TMEM179: variants seen among roughly 807,000 people sequenced by gnomAD.
The protein encoded by TMEM179 is transmembrane protein 179A.
Under a neutral mutation model 22.2 loss-of-function variants are expected in TMEM179, and 17 were observed. The observed-to-expected ratio is 0.77, with a 90% confidence interval of 0.52 to 1.15. The LOEUF (loss-of-function observed/expected upper bound fraction) is 1.15, where lower values mean the gene tolerates loss of function less well. TMEM179 is among the 50% of genes most tolerant of loss of function. The probability of loss-of-function intolerance (pLI) is 0.00; values close to 1 mark genes in which losing one functional copy is unlikely to be tolerated. For missense variants in TMEM179, 265 were observed against 313.6 expected (o/e 0.84, Z 1.17); for synonymous variants, 127 against 140.5 (o/e 0.90, Z 0.68).
At chr14:104,600,063 G>A (rs1887184971) in intron 1 of TMEM179, among the ~76,000 whole-genome samples, 1 of 152,216 alleles carries the variant, frequency 6.6e-6, no homozygotes, top group Non-Finnish European at 1.5e-5. Context: ...AGATAGGGAA[G>A]GGACCCCAGG....
At position 104,595,098 on chromosome 14, in the gene TMEM179, A is replaced by C; in HGVS notation, c.522+67T>G. On this transcript the variant is annotated intron_variant, in intron 3 of 3. Transcript: ENST00000556573. The surrounding 1 kb of genome is among the most constrained non-coding windows in gnomAD (Gnocchi z 5.7). Reference sequence around the variant, plus strand: ...TCCTCTGGATGGGGGAGAGCTCAGCAAATGTCCAGCAGTAAATGGCCCCCT... The same window carrying C: ...TCCTCTGGATGGGGGAGAGCTCAGCCAATGTCCAGCAGTAAATGGCCCCCT... 1 of 1,609,248 alleles carries C rather than the reference A, an allele frequency of 6.2e-7. No individual in the cohort carries two copies. Among genetic ancestry groups the C allele is most frequent in the South Asian group, 1.1e-5 (1 of 90,346 alleles).
chr14:104,599,369 T>A (rs1056114146), intron 1 of TMEM179, among the ~76,000 whole-genome samples: 1 of 152,160 alleles, frequency 6.6e-6, no homozygotes, highest in African/African-American at 2.4e-5. Context: ...GTCCCTCCAC[T>A]GAAAGTCACT....
chr14:104,599,548 A>G (rs923879883), intron 1 of TMEM179, among the ~76,000 whole-genome samples: 1 of 152,208 alleles, frequency 6.6e-6, no homozygotes, highest in Non-Finnish European at 1.5e-5. Flanking sequence ...CTGAGGACAC[A>G]GTTCTGAACC....
rs1462731121 is a variant in TMEM179 at position 104,604,601 on chromosome 14, C to T, written c.141G>A (p.Trp47Ter). Residue 47 changes from tryptophan to a stop codon, truncating the protein, a stop_gained, in exon 1 of 4, where the codon TGG (tryptophan) becomes TGA (stop). Coordinates refer to ENST00000556573, the MANE Select transcript of TMEM179 (RefSeq NM_001286389.2). LOFTEE classifies it high-confidence loss of function. This position sits in a 1 kb window ranked among gnomAD's most constrained non-coding sequence, Gnocchi z 4.6. ...CCTGCACCGTGAGGTTGGCGCTCAG[C>T]CACATGCCCTCGGTGAAGAGCAGGC... is the stretch of plus-strand genomic sequence containing the variant. ...GRCLLFTEGM[W>*]LSANLTVQER... The T allele has an allele frequency of 6.4e-7, 1 of 1,558,698 alleles. No homozygotes were observed. Among genetic ancestry groups the T allele is most frequent in the Admixed American group, 1.9e-5 (1 of 52,638 alleles).
In TMEM179 at chr14:104,591,423, A is replaced by G. The variant is rs1886841866; in HGVS notation, c.*2056T>C. The G allele has an allele frequency of 2.2e-6, 1 of 455,884 alleles. No individual in the cohort carries two copies. Among genetic ancestry groups the G allele is most frequent in the Non-Finnish European group, 4.4e-6 (1 of 226,766 alleles). 28.2% of individuals were successfully genotyped at this position (455,884 alleles called of 1,614,324 possible). A position where few individuals can be genotyped will look rare whatever the true frequency, so the allele number is the denominator to read the frequency against. On this transcript the variant is annotated 3_prime_UTR_variant, in exon 4 of 4. Transcript: ENST00000556573. ...AGACAAGGAGCTCTCCGGACTGGAA[A>G]GAGTCCCCATGTCCAGTGGGTCAGG...
Position 104,591,228 on chromosome 14 carries a change from T to C in TMEM179, c.*2251A>G, listed in dbSNP as rs1886834487. ...CATGGGGCTGTTCCACACCTGCTCCTGGGATCCAGCAGTGCAGCCCCCAAG... is the reference window on the plus strand; with the variant it reads ...CATGGGGCTGTTCCACACCTGCTCCCGGGATCCAGCAGTGCAGCCCCCAAG... On this transcript the variant is annotated 3_prime_UTR_variant, in exon 4 of 4. Transcript: ENST00000556573. The C allele has an allele frequency of 2.7e-6, 1 of 374,704 alleles. No homozygotes were observed. The highest frequency in any genetic ancestry group is 5.2e-6 in the Non-Finnish European group (1 of 191,244). 23.2% of individuals were successfully genotyped at this position (374,704 alleles called of 1,614,324 possible).
Position 104,593,384 on chromosome 14 carries a change from GCCCAGGCAGAGCCCCCCAGCTGCTTC to G in TMEM179, c.*69_*94del. 5.5e-6 allele frequency: 8 copies of G among 1,451,952 alleles called. No individual in the cohort carries two copies. The highest frequency in any genetic ancestry group is 7.4e-6 in the Non-Finnish European group (8 of 1,078,110). The allele number at this position is 1,451,952 out of a possible 1,614,324, so 89.9% of individuals were successfully genotyped here. A position where few individuals can be genotyped will look rare whatever the true frequency, so the allele number is the denominator to read the frequency against. ...ACACGCAGGGCTGCATGTGGCCAGGGCCCAGGCAGAGCCCCCCAGCTGCTTCCCCAGGCAGGCCCGTGCCCCCGAGC... is the reference window on the plus strand; with the variant it reads ...ACACGCAGGGCTGCATGTGGCCAGGGCCCAGGCAGGCCCGTGCCCCCGAGC... On this transcript the variant is annotated 3_prime_UTR_variant, in exon 4 of 4. Transcript: ENST00000556573.
chr14:104,591,527 C>G lies in TMEM179; in HGVS notation c.*1952G>C. The G allele has an allele frequency of 2.5e-6, 1 of 399,024 alleles. No homozygotes were observed. The highest frequency in any genetic ancestry group is 1.9e-5 in the South Asian group (1 of 54,052). The allele number at this position is 399,024 out of a possible 1,614,324, so 24.7% of individuals were successfully genotyped here. On this transcript the variant is annotated 3_prime_UTR_variant, in exon 4 of 4. Transcript: ENST00000556573. ...CAAACCCCTTCCCTCGAGGACCTGG[C>G]TGCCAGCTGGAAACTCAGCTGGTCC... is the stretch of plus-strand genomic sequence containing the variant.
rs775840600 is a variant in TMEM179 at position 104,593,435 on chromosome 14, C to T, written c.*44G>A. ...CCCCAGGCAGGCCCGTGCCCCCGAG[C>T]GCAGCAGGGAGGTCGGGGCCAGCTC... is the stretch of plus-strand genomic sequence containing the variant. On this transcript the variant is annotated 3_prime_UTR_variant, in exon 4 of 4. Transcript: ENST00000556573. The T allele has an allele frequency of 5.9e-6, 9 of 1,534,830 alleles. No individual in the cohort carries two copies. The highest frequency in any genetic ancestry group is 7.9e-6 in the Non-Finnish European group (9 of 1,145,862).
At position 104,596,880 on chromosome 14, in the gene TMEM179, C is replaced by T. The variant is rs1299212655; in HGVS notation, c.443+110G>A. On this transcript the variant is annotated intron_variant, in intron 2 of 3. Coordinates refer to ENST00000556573, the MANE Select transcript of TMEM179 (RefSeq NM_001286389.2). ...GCACAGTGCACAGTGGGACCAGGGA[C>T]CGCAGACTCAGGATGGGCTTCGTGA... is the stretch of plus-strand genomic sequence containing the variant. 9 of 1,408,186 alleles carry T rather than the reference C, an allele frequency of 6.4e-6. No individual in the cohort carries two copies. In the Admixed American group the frequency reaches 9.9e-5, roughly 15 times the overall value. 87.2% of individuals were successfully genotyped at this position (1,408,186 alleles called of 1,614,324 possible). A position where few individuals can be genotyped will look rare whatever the true frequency, so the allele number is the denominator to read the frequency against.
Position 104,592,585 on chromosome 14 carries a change from CTCAG to C in TMEM179, c.*890_*893del, listed in dbSNP as rs1300434423. ...ATGCAGTCACACCCTCTCGTGCACA[CTCAG>C]TGACACCTTCACATGCAGTCACACC... On this transcript the variant is annotated 3_prime_UTR_variant, in exon 4 of 4. Transcript: ENST00000556573. 2.6e-5 allele frequency: 4 copies of C among 154,650 alleles called. No individual in the cohort carries two copies. The highest frequency in any genetic ancestry group is 9.7e-5 in the African/African-American group (4 of 41,386). 9.6% of individuals were successfully genotyped at this position (154,650 alleles called of 1,614,324 possible).
At chr14:104,601,633 G>T (rs1887244206) in intron 1 of TMEM179, among the ~76,000 whole-genome samples, 2 of 152,236 alleles carry the variant, frequency 1.3e-5, no homozygotes, top group South Asian at 4.1e-4. Context: ...ACATGACCAC[G>T]TGAACTGAGC....
chr14:104,601,733 T>C (rs1887246900), intron 1 of TMEM179, among the ~76,000 whole-genome samples: 2 of 152,220 alleles, frequency 1.3e-5, no homozygotes, highest in Middle Eastern at 6.8e-3. Context: ...GGAGGATTGG[T>C]GAACCCCTGA....
Position 104,595,137 on chromosome 14 carries a change from G to A in TMEM179, c.522+28C>T. 1 of 1,613,492 alleles carries A rather than the reference G, an allele frequency of 6.2e-7. No individual in the cohort carries two copies. The highest frequency in any genetic ancestry group is 8.5e-7 in the Non-Finnish European group (1 of 1,179,826). Reference sequence around the variant, plus strand: ...AAATGGCCCCCTCCCAGCATTGCAAGCCTCCCTTCTTGCCCAGAGCCCCCT... The same window carrying A: ...AAATGGCCCCCTCCCAGCATTGCAAACCTCCCTTCTTGCCCAGAGCCCCCT... On this transcript the variant is annotated intron_variant, in intron 3 of 3. Transcript: ENST00000556573. This position sits in a 1 kb window ranked among gnomAD's most constrained non-coding sequence, Gnocchi z 5.7.
At position 104,591,674 on chromosome 14, in the gene TMEM179, G is replaced by A. The variant is rs1464893192; in HGVS notation, c.*1805C>T. ...TGATGCCCCCACCAGGACCCTCCAT[G>A]TGGACCCAGGCACGTGGCCTCCAGG... On this transcript the variant is annotated 3_prime_UTR_variant, in exon 4 of 4. Coordinates refer to ENST00000556573, the MANE Select transcript of TMEM179 (RefSeq NM_001286389.2). The A allele has an allele frequency of 9.4e-6, 3 of 318,190 alleles. No homozygotes were observed. Among genetic ancestry groups the A allele is most frequent in the Non-Finnish European group, 1.8e-5 (3 of 163,050 alleles). The allele number at this position is 318,190 out of a possible 1,614,324, so 19.7% of individuals were successfully genotyped here.
At chr14:104,603,317 G>A in intron 1 of TMEM179, among the ~76,000 whole-genome samples, 1 of 152,126 alleles carries the variant, frequency 6.6e-6, no homozygotes, top group East Asian at 1.9e-4. Flanking sequence ...ACACCCCTCT[G>A]AGCCCTTCTC....
intron 1 of TMEM179, among the ~76,000 whole-genome samples, chr14:104,598,482 G>C (rs1887118373): frequency 2.6e-5 from 4 of 152,218 alleles, no homozygotes; most frequent in Admixed American, 2.6e-4. Context: ...ACCGTCATCC[G>C]AACTCGGCAG....
chr14:104,593,211 G>C lies in TMEM179; in HGVS notation c.*268C>G. 1 of 537,896 alleles carries C rather than the reference G, an allele frequency of 1.9e-6. No homozygotes were observed. The highest frequency in any genetic ancestry group is 3.3e-6 in the Non-Finnish European group (1 of 303,484). 33.3% of individuals were successfully genotyped at this position (537,896 alleles called of 1,614,324 possible). On this transcript the variant is annotated 3_prime_UTR_variant, in exon 4 of 4. Coordinates refer to ENST00000556573, the MANE Select transcript of TMEM179 (RefSeq NM_001286389.2). Reference sequence around the variant, plus strand: ...CTGGGACAGCCAAGGGGCCCTGTGCGAGGCCTGGAGGTGCCCCCCGCCCCC... The same window carrying C: ...CTGGGACAGCCAAGGGGCCCTGTGCCAGGCCTGGAGGTGCCCCCCGCCCCC...
At chr14:104,594,004 C>T in intron 3 of TMEM179, 1 of 1,204,296 alleles carries the variant, frequency 8.3e-7, no homozygotes, top group Admixed American at 4.0e-5. Context: ...GCAGCTCCGG[C>T]CTGTCGGCTC....
Sources: gnomAD v4.1 joint callset for allele counts (sites outside exome capture counted in the v4.1 genomes callset) on GRCh38, gnomAD v4.1.1 for gene constraint, Gnocchi (gnomAD v3.1) non-coding constraint, MANE v1.5 for transcripts, NCBI Gene and HGNC (gene_info 2026-07-23, HGNC 2026-07-21) for gene names.